Variants in EFHC1 observed in about 807,000 individuals in gnomAD.
The protein encoded by EFHC1 is EF-hand domain-containing protein 1.
In EFHC1, 53 loss-of-function variants were observed where a neutral mutation model predicts 69.9. That is an observed-to-expected ratio of 0.76 (90% CI 0.61 to 0.95). EFHC1 has a LOEUF of 0.95. Among genes scored for constraint, EFHC1 ranks in the 40% least tolerant of loss-of-function variants. The pLI, the probability that EFHC1 is intolerant of heterozygous loss-of-function variation, is 0.00. For missense variants in EFHC1, 739 were observed against 798.7 expected (o/e 0.93, Z 0.90); for synonymous variants, 256 against 278.4 (o/e 0.92, Z 0.80).
chr6:52,488,643 A>C (rs532962805), intron 9 of EFHC1: 1 of 152,272 alleles, frequency 6.6e-6, no homozygotes, highest in East Asian at 1.9e-4. Flanking sequence ...CCCATCTTTC[A>C]TGTACCCACT....
chr6:52,433,323 A>T (rs1212779198), intron 2 of EFHC1, among the ~76,000 whole-genome samples: 2 of 152,140 alleles, frequency 1.3e-5, no homozygotes, highest in Non-Finnish European at 2.9e-5. Flanking sequence ...GAGGGAAGGT[A>T]TAGGGCTCAA....
chr6:52,489,819 G>A (rs550718590), intron 9 of EFHC1, among the ~76,000 whole-genome samples: 1 of 152,192 alleles, frequency 6.6e-6, no homozygotes, highest in Non-Finnish European at 1.5e-5. Context: ...AGTAGTAAGA[G>A]ACAATGATGT....
At chr6:52,442,330 G>T (rs1764683219) in intron 3 of EFHC1, among the ~76,000 whole-genome samples, 1 of 151,946 alleles carries the variant, frequency 6.6e-6, no homozygotes, top group Non-Finnish European at 1.5e-5. Flanking sequence ...AAGTTATGGG[G>T]TACATGCGCA....
chr6:52,443,188 C>T lies in EFHC1; in HGVS notation c.573+4597C>T, dbSNP rs1357132075. 2.0e-5 allele frequency among the ~76,000 whole-genome samples: 3 copies of T among 152,114 alleles called. No homozygotes were observed. The East Asian group carries it at 5.8e-4, about 29-fold the overall frequency. On this transcript the variant is annotated intron_variant, in intron 3 of 10. Transcript: ENST00000371068. ...GTTCTTTGTAGATTCTGGATATTAG[C>T]CCTTTGTCAGATGGGTAGATTGTAA...
chr6:52,451,590 G>A (rs1411889390), intron 3 of EFHC1, among the ~76,000 whole-genome samples: 1 of 152,136 alleles, frequency 6.6e-6, no homozygotes, highest in Non-Finnish European at 1.5e-5. Context: ...TTTGACCTTG[G>A]AAAATCTGAT....
intron 5 of EFHC1, among the ~76,000 whole-genome samples, chr6:52,461,562 A>G (rs1562455867): frequency 6.6e-6 from 1 of 152,128 alleles, no homozygotes; most frequent in Non-Finnish European, 1.5e-5. Flanking sequence ...AGGATGATTT[A>G]TATTCCTTTG....
chr6:52,478,902 T>C (rs1765602570), intron 7 of EFHC1, 135 bp from the exon 8 acceptor site: 2 of 819,970 alleles, frequency 2.4e-6, no homozygotes, highest in East Asian at 2.6e-5. Context: ...AGTTTCCCCA[T>C]AGATGGTTTG....
At position 52,493,590 on chromosome 6, in the gene EFHC1, T is replaced by A. The variant is rs1260062366; in HGVS notation, c.*1249T>A. On this transcript the variant is annotated 3_prime_UTR_variant, in exon 11 of 11. Coordinates refer to ENST00000371068, the MANE Select transcript of EFHC1 (RefSeq NM_018100.4). ...TCACTTGAACCCTGGAGGCAGAGGT[T>A]GCAGTGAGCCAAGACCACGCCACTG... 1 of 448,812 alleles carries A rather than the reference T, an allele frequency of 2.2e-6. No individual in the cohort carries two copies. Among genetic ancestry groups the A allele is most frequent in the South Asian group, 1.6e-5 (1 of 63,844 alleles). 27.8% of individuals were successfully genotyped at this position (448,812 alleles called of 1,614,324 possible).
rs577423827 is a variant in EFHC1 at position 52,492,935 on chromosome 6, T to C, written c.*594T>C. 2.2e-6 allele frequency: 1 copy of C among 454,120 alleles called. No individual in the cohort carries two copies. The highest frequency in any genetic ancestry group is 6.9e-5 in the East Asian group (1 of 14,404). The allele number at this position is 454,120 out of a possible 1,614,324, so 28.1% of individuals were successfully genotyped here. On this transcript the variant is annotated 3_prime_UTR_variant, in exon 11 of 11. Transcript: ENST00000371068. The stretch of plus-strand genomic sequence containing the variant: ...CCCAGCCTCAGATATTTCATTATTC[T>C]GGGGGTTTCTCTGAAGGTATTTTTC...
At chr6:52,487,666 T>G (rs974401857) in intron 9 of EFHC1, 1 of 152,248 alleles carries the variant, frequency 6.6e-6, no homozygotes, top group Non-Finnish European at 1.5e-5. Context: ...AGCAAAATAT[T>G]CTAAGAGCAC....
chr6:52,445,179 C>G (rs1461225756), intron 3 of EFHC1, among the ~76,000 whole-genome samples: 1 of 140,824 alleles, frequency 7.1e-6, no homozygotes, highest in Non-Finnish European at 1.5e-5. Flanking sequence ...CTATTTGATT[C>G]TTCTCTCTTT....
rs368499137 is a variant in EFHC1, at chr6:52,429,045, T to C, written c.285+4878T>C. Among the ~76,000 whole-genome samples, 5 of 152,286 alleles carry C rather than the reference T, an allele frequency of 3.3e-5. No homozygotes were observed. In the East Asian group the frequency reaches 7.7e-4, roughly 23 times the overall value. Reference sequence around the variant, plus strand: ...GCCCACTTTTTGATGGGCTTCTTTGTTTTTCCTTGCTAATTTGTTTGAGTT... The same window carrying C: ...GCCCACTTTTTGATGGGCTTCTTTGCTTTTCCTTGCTAATTTGTTTGAGTT... On this transcript the variant is annotated intron_variant, in intron 2 of 10. Transcript: ENST00000371068.
chr6:52,433,215 G>A (rs571136629), intron 2 of EFHC1, among the ~76,000 whole-genome samples: 1 of 152,058 alleles, frequency 6.6e-6, no homozygotes, highest in East Asian at 1.9e-4. Context: ...TCTATTGCTG[G>A]TGAGCTAGTG....
rs1222190567 is a variant in EFHC1 at position 52,452,985 on chromosome 6, T to G, written c.723+148T>G. 2.6e-6 allele frequency: 4 copies of G among 1,567,922 alleles called. No homozygotes were observed. The South Asian group carries it at 4.6e-5, about 18-fold the overall frequency. On this transcript the variant is annotated intron_variant, in intron 4 of 10. Transcript: ENST00000371068. ...TTTGGACACAGTACTGTCTTTCTGC[T>G]TTCATCAAGGGTTACAGGTACAGGA...
intron 2 of EFHC1, among the ~76,000 whole-genome samples, chr6:52,430,760 G>A (rs2113972371): frequency 6.6e-6 from 1 of 152,070 alleles, no homozygotes; most frequent in Admixed American, 6.6e-5. Context: ...TCTCTATCTT[G>A]TAGAATAGTG....
In EFHC1 at chr6:52,493,385, T is replaced by TATATATATATATATATATATA. The variant is rs1554262447; in HGVS notation, c.*1044_*1045insATATATATATATATATATATA. 1.9e-5 allele frequency: 4 copies of TATATATATATATATATATATA among 210,648 alleles called. No homozygotes were observed. The highest frequency in any genetic ancestry group is 5.8e-5 in the South Asian group (1 of 17,314). 13.0% of individuals were successfully genotyped at this position (210,648 alleles called of 1,614,324 possible). On this transcript the variant is annotated 3_prime_UTR_variant, in exon 11 of 11. Transcript: ENST00000371068. ...CTCTACATATATATATATATATATA[T>TATATATATATATATATATATA]TTTATATGTACACATTCATACACAC...
At chr6:52,460,397 TGAG>T (rs1765139193) in intron 5 of EFHC1, among the ~76,000 whole-genome samples, 2 of 152,298 alleles carry the variant, frequency 1.3e-5, no homozygotes, top group Non-Finnish European at 1.5e-5. Context: ...TAAAAGGTCA[TGAG>T]GAGACTTTTG....
intron 5 of EFHC1, among the ~76,000 whole-genome samples, chr6:52,462,298 G>A (rs949859060): frequency 6.6e-6 from 1 of 151,722 alleles, no homozygotes; most frequent in Non-Finnish European, 1.5e-5. Context: ...AGAGGTACTT[G>A]GAGGAAAATA....
intron 5 of EFHC1, among the ~76,000 whole-genome samples, chr6:52,456,632 G>C (rs981639035): frequency 7.9e-5 from 12 of 152,228 alleles, no homozygotes; most frequent in Non-Finnish European, 1.3e-4. Flanking sequence ...GTAGGAAACA[G>C]GCTGGTCGCT....
Sources: gnomAD v4.1 joint callset for allele counts (sites outside exome capture counted in the v4.1 genomes callset) on GRCh38, gnomAD v4.1.1 for gene constraint, MANE v1.5 for transcripts, NCBI Gene and HGNC (gene_info 2026-07-23, HGNC 2026-07-21) for gene names.